MAST4: variants seen among roughly 807,000 people sequenced by gnomAD.
MAST4 encodes the protein microtubule-associated serine/threonine-protein kinase 4.
A neutral mutation model predicts 162.7 loss-of-function variants in MAST4; 89 were observed. The observed-to-expected ratio is 0.55, with a 90% CI of 0.46 to 0.65. The LOEUF is 0.65. Ranked by LOEUF, MAST4 falls within the 30% of genes least tolerant of loss-of-function variation. The pLI is 0.00. For synonymous variants in MAST4, 1,479 were observed against 1,361.1 expected, an observed-to-expected ratio of 1.09 and a Z score of -1.91; for missense variants, 3,153 against 3,374.0, an observed-to-expected ratio of 0.93 and a Z score of 1.62.
intron 2 of MAST4, among the ~76,000 whole-genome samples, chr5:66,782,389 T>A (rs1331089934): frequency 6.6e-6 from 1 of 152,220 alleles, no homozygotes; most frequent in Non-Finnish European, 1.5e-5. Flanking sequence ...TGTATTTATT[T>A]TAATGTACAT....
At chr5:66,606,309 CT>C (rs1343203818) in intron 1 of MAST4, among the ~76,000 whole-genome samples, 1 of 152,164 alleles carries the variant, frequency 6.6e-6, no homozygotes, top group East Asian at 1.9e-4. Flanking sequence ...TTGCTTGCTT[CT>C]TTTTCTAGAA....
chr5:66,844,138 CCTGTGTGTGTGTGTGTGT>C (rs1313944502), intron 3 of MAST4, among the ~76,000 whole-genome samples: 3 of 111,340 alleles, frequency 2.7e-5, no homozygotes, highest in Non-Finnish European at 3.6e-5. Flanking sequence ...TCCCAGTCAG[CCTGTGTGTGTGTGTGTGT>C]GTGTGTGTGT....
intron 4 of MAST4, among the ~76,000 whole-genome samples, chr5:67,038,187 C>T (rs1043058566): frequency 6.6e-6 from 1 of 151,036 alleles, no homozygotes; most frequent in African/African-American, 2.4e-5. Flanking sequence ...AGTTGCAATT[C>T]TAGTTTAGAT....
chr5:67,120,562 T>A (rs1371077680), intron 13 of MAST4, among the ~76,000 whole-genome samples: 1 of 152,192 alleles, frequency 6.6e-6, no homozygotes, highest in Non-Finnish European at 1.5e-5. Context: ...GGGTGTTGCA[T>A]GTGTTGCCTA....
In MAST4 at chr5:66,666,893, C is replaced by T. The variant is rs988212264; in HGVS notation, c.363+69875C>T. Among the ~76,000 whole-genome samples, 3 of 152,130 alleles carry T rather than the reference C, an allele frequency of 2.0e-5. No individual in the cohort carries two copies. The East Asian group carries it at 5.8e-4, about 29-fold the overall frequency. On this transcript the variant is annotated intron_variant, in intron 1 of 28. Coordinates refer to ENST00000403625, the MANE Select transcript of MAST4 (RefSeq NM_001164664.2). ...CAGGTTGCCTATAATGAAGTGTTGC[C>T]AATGCTAGGGTAAGAATAAGGGTTG...
intron 1 of MAST4, among the ~76,000 whole-genome samples, chr5:66,677,918 G>A (rs1003567827): frequency 3.3e-5 from 5 of 152,180 alleles, no homozygotes; most frequent in South Asian, 2.1e-4. Context: ...GCAGATTCCC[G>A]CATCCAATCC....
intron 1 of MAST4, among the ~76,000 whole-genome samples, chr5:66,644,793 A>G (rs1745719695): frequency 1.4e-5 from 2 of 144,428 alleles, no homozygotes; most frequent in Non-Finnish European, 3.0e-5. Flanking sequence ...GATGTCATGT[A>G]TAGGATATTC....
At position 66,759,980 on chromosome 5, in the gene MAST4, T is replaced by C. The variant is rs1043415261; in HGVS notation, c.517+118T>C. The C allele has an allele frequency of 4.2e-5, 43 of 1,018,688 alleles. No individual in the cohort carries two copies. In the East Asian group the frequency reaches 1.1e-3, roughly 26 times the overall value. The allele number at this position is 1,018,688 out of a possible 1,614,324, so 63.1% of individuals were successfully genotyped here. ...AGAATGGGCCTGCCTCTGCAGACCA[T>C]TTCATAAAAATCTTATCTAATCCAG... On this transcript the variant is annotated intron_variant, in intron 2 of 28. Transcript: ENST00000403625.
At chr5:66,630,451 A>C (rs1744720805) in intron 1 of MAST4, among the ~76,000 whole-genome samples, 1 of 152,186 alleles carries the variant, frequency 6.6e-6, no homozygotes, top group Non-Finnish European at 1.5e-5. Flanking sequence ...GTAGTATCTA[A>C]ACTGAAGTTT....
In MAST4 at chr5:66,708,284, G is replaced by A. The variant is rs80224849; in HGVS notation, c.364-51425G>A. Among the ~76,000 whole-genome samples the A allele has an allele frequency of 1.7e-3, 253 of 152,228 alleles. 1 individual carries two copies. Among genetic ancestry groups the A allele is most frequent in the Non-Finnish European group, 1.1e-3 (78 of 68,016 alleles). On this transcript the variant is annotated intron_variant, in intron 1 of 28. Coordinates refer to ENST00000403625, the MANE Select transcript of MAST4 (RefSeq NM_001164664.2). ...ACTACCTTGGGGCAAATTTAACTCTGTCTGAACTTTGGTTTCTTGACTAGT... is the reference window on the plus strand; with the variant it reads ...ACTACCTTGGGGCAAATTTAACTCTATCTGAACTTTGGTTTCTTGACTAGT...
intron 3 of MAST4, among the ~76,000 whole-genome samples, chr5:66,886,552 T>G (rs1342266606): frequency 4.6e-5 from 7 of 151,826 alleles, no homozygotes; most frequent in Admixed American, 4.6e-4. Context: ...GTGTGTGTGT[T>G]TAAACTTTTA....
In MAST4 at chr5:67,165,370, C is replaced by T. The variant is rs970746230; in HGVS notation, c.6191C>T (p.Ala2064Val). The part of the protein sequence containing the change: ...PPRDNSSLHS[A>V]GIPCEKELGK... ...AGAGACAACTCCTCTCTGCACTCAG[C>T]TGGAATTCCCTGTGAGAAGGAGCTG... Residue 2064 changes from alanine to valine, a missense_variant, in exon 29 of 29, where the codon GCT becomes GTT. Around this residue, in one of 7 missense-constraint regions of MAST4, gnomAD observed 1,644 missense variants for 1,495.0 expected, o/e 1.10. Coordinates refer to ENST00000403625, the MANE Select transcript of MAST4 (RefSeq NM_001164664.2). 1.2e-6 allele frequency: 2 copies of T among 1,613,714 alleles called. No homozygotes were observed. Among genetic ancestry groups the T allele is most frequent in the Non-Finnish European group, 1.7e-6 (2 of 1,179,840 alleles).
intron 27 of MAST4, 88 bp downstream of exon 27, chr5:67,160,680 AGAT>A: frequency 7.1e-7 from 1 of 1,418,090 alleles, no homozygotes; most frequent in Non-Finnish European, 9.5e-7. Context: ...TATATGAAGA[AGAT>A]CTATTTTTCT....
chr5:66,884,332 C>T (rs1040951281), intron 3 of MAST4, among the ~76,000 whole-genome samples: 2 of 152,146 alleles, frequency 1.3e-5, no homozygotes, highest in African/African-American at 4.8e-5. Context: ...GATCCAGAAC[C>T]TTTTAGCAAA....
intron 19 of MAST4, among the ~76,000 whole-genome samples, chr5:67,137,426 C>G (rs1003269986): frequency 6.6e-6 from 1 of 152,138 alleles, no homozygotes; most frequent in South Asian, 2.1e-4. Context: ...TATAGTCTAG[C>G]CAGCAGCCAT....
In MAST4 at chr5:66,982,901, G is replaced by A. The variant is rs566585852; in HGVS notation, c.675-71503G>A. On this transcript the variant is annotated intron_variant, in intron 4 of 28. Coordinates refer to ENST00000403625, the MANE Select transcript of MAST4 (RefSeq NM_001164664.2). ...TGATTAATTTACACAACTATACAGG[G>A]TTCATTGTCTAGCTGGATTTAGTTT... Among the ~76,000 whole-genome samples the A allele has an allele frequency of 3.9e-5, 6 of 152,290 alleles. No homozygotes were observed. The South Asian group carries it at 1.2e-3, about 32-fold the overall frequency.
chr5:66,876,015 C>A (rs139973720), intron 3 of MAST4, among the ~76,000 whole-genome samples: 1 of 152,304 alleles, frequency 6.6e-6, no homozygotes, highest in East Asian at 1.9e-4. Context: ...AATCCTCCTG[C>A]CTTGGCCACC....
At chr5:66,996,374 A>AT (rs1191398409) in intron 4 of MAST4, among the ~76,000 whole-genome samples, 6 of 151,916 alleles carry the variant, frequency 3.9e-5, no homozygotes. Context: ...ATAGAACTTC[A>AT]TTTTTTTCTG....
chr5:66,927,879 C>T (rs1272976087), intron 4 of MAST4, among the ~76,000 whole-genome samples: 1 of 152,164 alleles, frequency 6.6e-6, no homozygotes, highest in East Asian at 1.9e-4. Context: ...GAGGGAGAAC[C>T]TGTTCCATGC....
Sources: allele counts gnomAD v4.1 joint callset (sites outside exome capture counted in the v4.1 genomes callset), GRCh38; gene constraint gnomAD v4.1.1; regional missense constraint gnomAD v4.1.1; transcripts MANE v1.5; gene names NCBI Gene and HGNC (gene_info 2026-07-23, HGNC 2026-07-21).